Variants in DGKB observed in about 807,000 individuals in gnomAD.
DGKB encodes 90 kDa diacylglycerol kinase.
DGKB carries 67 observed loss-of-function variants against 114.3 expected under a neutral mutation model. The ratio of observed to expected loss-of-function variants is 0.59; its 90% CI spans 0.48 to 0.72. DGKB has a LOEUF of 0.72. Ranked by LOEUF, DGKB falls within the 30% of genes least tolerant of loss-of-function variation. The pLI is 0.00. For synonymous variants in DGKB, 398 were observed against 323.1 expected (o/e 1.23, Z -2.49); for missense variants, 907 against 975.2 (o/e 0.93, Z 0.93).
chr7:14,718,927 G>T, intron 5 of DGKB: 1 of 369,614 alleles, frequency 2.7e-6, no homozygotes, highest in Non-Finnish European at 4.8e-6. Context: ...GATGGTATTT[G>T]GGTCAGAATA....
intron 1 of DGKB, among the ~76,000 whole-genome samples, chr7:14,959,918 T>C (rs1207229171): frequency 6.6e-6 from 1 of 152,116 alleles, no homozygotes; most frequent in Non-Finnish European, 1.5e-5. Flanking sequence ...TATTCATGCT[T>C]TTCCTTAAGC....
intron 1 of DGKB, among the ~76,000 whole-genome samples, chr7:14,962,365 T>C (rs1786897521): frequency 1.3e-5 from 2 of 152,164 alleles, no homozygotes; most frequent in South Asian, 2.1e-4. Flanking sequence ...ATTAAAGTAA[T>C]AGCAACAACA....
At chr7:14,906,174 C>A (rs896093291), upstream of DGKB, among the ~76,000 whole-genome samples, 1 of 151,856 alleles carries the variant, frequency 6.6e-6, no homozygotes, top group Non-Finnish European at 1.5e-5. Flanking sequence ...CTTTTGACTT[C>A]TAAATCCCTA....
intron 20 of DGKB, among the ~76,000 whole-genome samples, chr7:14,559,813 T>G (rs1796386706): frequency 6.6e-6 from 1 of 152,198 alleles, no homozygotes; most frequent in South Asian, 2.1e-4. Flanking sequence ...TTGGCCCCTC[T>G]GGGCACTGGG....
intron 1 of DGKB, among the ~76,000 whole-genome samples, chr7:14,869,365 T>C (rs946336657): frequency 2.6e-5 from 4 of 152,186 alleles, no homozygotes; most frequent in African/African-American, 9.6e-5. Context: ...GGGTCCGTAA[T>C]TTCTTGTATA....
At position 14,284,267 on chromosome 7, in the gene DGKB, C is replaced by T. The variant is rs942344920; in HGVS notation, c.2122+54248G>A. On this transcript the variant is annotated intron_variant, in intron 23 of 25. Transcript: ENST00000402815. ...CAAAAAACACATGAAAAAATGCTCA[C>T]CATCACTGGCCATCAGAGAAATGCA... Among the ~76,000 whole-genome samples the T allele has an allele frequency of 4.6e-4, 68 of 147,102 alleles. 1 individual carries two copies. Among genetic ancestry groups the T allele is most frequent in the African/African-American group, 1.5e-3 (57 of 36,892 alleles).
chr7:14,830,917 ACATGTGTGTGCATGTGTG>A (rs995039713), intron 2 of DGKB, among the ~76,000 whole-genome samples: 15 of 151,938 alleles, frequency 9.9e-5, no homozygotes, highest in Non-Finnish European at 2.1e-4. Context: ...ACACACATGC[ACATGTGTGTGCATGTGTG>A]CATGTATGTG....
intron 2 of DGKB, among the ~76,000 whole-genome samples, chr7:14,804,956 T>G (rs552934519): frequency 1.1e-4 from 17 of 152,132 alleles, no homozygotes; most frequent in Non-Finnish European, 5.9e-5. Context: ...TTAGTCATTA[T>G]ATAATTATTA....
chr7:14,462,504 G>C (rs1833231301), intron 21 of DGKB, among the ~76,000 whole-genome samples: 1 of 152,104 alleles, frequency 6.6e-6, no homozygotes, highest in Non-Finnish European at 1.5e-5. Context: ...ATTCACAACT[G>C]CTACAAAAAG....
At chr7:14,312,409 T>C (rs10256065) in intron 23 of DGKB, among the ~76,000 whole-genome samples, 98,742 of 152,148 alleles carry the variant, frequency 0.65, 33,165 homozygotes, top group South Asian at 0.74. Context: ...TGCTGGATCT[T>C]TAGCATGAAA....
intron 23 of DGKB, among the ~76,000 whole-genome samples, chr7:14,335,301 A>G (rs1810447948): frequency 6.6e-6 from 1 of 152,210 alleles, no homozygotes; most frequent in Admixed American, 6.5e-5. Context: ...AATTAAAATA[A>G]AAGGGTAAAC....
chr7:14,243,414 A>G (rs1793971915), intron 23 of DGKB, among the ~76,000 whole-genome samples: 2 of 152,228 alleles, frequency 1.3e-5, no homozygotes, highest in Non-Finnish European at 1.5e-5. Flanking sequence ...ATGCGGAGAC[A>G]TTAAAAAATT....
intron 20 of DGKB, among the ~76,000 whole-genome samples, chr7:14,478,482 A>T (rs1782527441): frequency 6.6e-6 from 1 of 152,256 alleles, no homozygotes; most frequent in East Asian, 1.9e-4. Flanking sequence ...CTTTATTGCT[A>T]TTTAATTTCT....
intron 20 of DGKB, among the ~76,000 whole-genome samples, chr7:14,515,104 G>A (rs12699624): frequency 0.33 from 50,380 of 152,078 alleles, 8,961 homozygotes; most frequent in Admixed American, 0.44. Flanking sequence ...GAGCTGAGAC[G>A]TTCTCTGAAT....
At chr7:14,795,984 C>T (rs1020198272) in intron 2 of DGKB, among the ~76,000 whole-genome samples, 2 of 152,100 alleles carry the variant, frequency 1.3e-5, no homozygotes, top group African/African-American at 2.4e-5. Context: ...GAGGATAAGA[C>T]ATCAGTTTGA....
intron 6 of DGKB, among the ~76,000 whole-genome samples, chr7:14,709,793 A>C: frequency 7.9e-6 from 1 of 126,698 alleles, no homozygotes; most frequent in African/African-American, 3.0e-5. Context: ...AGGAAGGGGA[A>C]TATCACACTC....
At chr7:14,590,789 T>G (rs1801578135) in intron 17 of DGKB, among the ~76,000 whole-genome samples, 1 of 152,158 alleles carries the variant, frequency 6.6e-6, no homozygotes, top group Non-Finnish European at 1.5e-5. Flanking sequence ...AAAATGTGTA[T>G]GTAAATACAC....
intron 1 of DGKB, among the ~76,000 whole-genome samples, chr7:14,913,046 AT>A (rs1403793512): frequency 6.6e-6 from 1 of 152,036 alleles, no homozygotes; most frequent in Non-Finnish European, 1.5e-5. Context: ...CTTCAGTTTC[AT>A]CAAGAAAGGT....
rs1396259435 is a variant in DGKB at position 14,409,522 on chromosome 7, A to C, written c.1836-64131T>G. On this transcript the variant is annotated intron_variant, in intron 21 of 25. Transcript: ENST00000402815. ...GGAGATCGAGACCATCCTGGCTAAC[A>C]AGGTGAAACCCCGTCTCTACTAAAA... Among the ~76,000 whole-genome samples, 10 of 24,728 alleles carry C rather than the reference A, an allele frequency of 4.0e-4. 2 individuals carry two copies. Among genetic ancestry groups the C allele is most frequent in the Admixed American group, 3.1e-3 (10 of 3,180 alleles). 16.2% of individuals were successfully genotyped at this position (24,728 alleles called of 152,430 possible).
Sources: gnomAD v4.1 joint callset for allele counts (sites outside exome capture counted in the v4.1 genomes callset) on GRCh38, gnomAD v4.1.1 for gene constraint, MANE v1.5 for transcripts, NCBI Gene and HGNC (gene_info 2026-07-23, HGNC 2026-07-21) for gene names.